The following CAND2 variants were observed in gnomAD, a reference collection of about 807,000 sequenced individuals.
The protein encoded by CAND2 is cullin-associated NEDD8-dissociated protein 2.
In CAND2, 62 loss-of-function variants were observed where a neutral mutation model predicts 98.9. That is an observed-to-expected ratio of 0.63 (90% CI 0.51 to 0.77). The LOEUF (loss-of-function observed/expected upper bound fraction) is 0.77, where lower values mean the gene tolerates loss of function less well. Ranked by LOEUF, CAND2 falls within the 30% of genes least tolerant of loss-of-function variation. The pLI, the probability that CAND2 is intolerant of heterozygous loss-of-function variation, is 0.00. For missense variants in CAND2, 1,501 were observed against 1,655.2 expected, an observed-to-expected ratio of 0.91 and a Z score of 1.62; for synonymous variants, 770 against 731.9, an observed-to-expected ratio of 1.05 and a Z score of -0.84.
At chr3:12,819,413 C>T (rs749347503) in intron 10 of CAND2, among the ~76,000 whole-genome samples, 9 of 152,222 alleles carry the variant, frequency 5.9e-5, no homozygotes, top group Admixed American at 1.3e-4. Context: ...GAGATTCAGA[C>T]GCAGGTGGAG....
At chr3:12,823,100 A>C (rs866313310) in intron 11 of CAND2, among the ~76,000 whole-genome samples, 3 of 152,192 alleles carry the variant, frequency 2.0e-5, no homozygotes, top group Non-Finnish European at 4.4e-5. Flanking sequence ...TTATTTTCTT[A>C]ATCCTGAAAT....
chr3:12,810,071 G>A lies in CAND2; in HGVS notation c.504G>A (p.Pro168=), dbSNP rs1240440777. ...TCGTGCTCCCCAGGCTGGGTGTCCC[G>A]CTGGGCGCCTTCCACGCCAGCCTCC... ...LSDMLSRLGV[P]LGAFHASLLH... is the part of the protein sequence containing the mutation. The change falls in exon 5 of 15, where the codon CCG becomes CCA. Residue 168 remains proline, a synonymous_variant. Coordinates refer to ENST00000456430, the MANE Select transcript of CAND2 (RefSeq NM_001162499.2). 2 of 1,427,788 alleles carry A rather than the reference G, an allele frequency of 1.4e-6. No individual in the cohort carries two copies. Among genetic ancestry groups the A allele is most frequent in the Non-Finnish European group, 1.8e-6 (2 of 1,091,232 alleles). 88.4% of individuals were successfully genotyped at this position (1,427,788 alleles called of 1,614,324 possible). A position where few individuals can be genotyped will look rare whatever the true frequency, so the allele number is the denominator to read the frequency against.
intron 1 of CAND2, among the ~76,000 whole-genome samples, chr3:12,802,988 C>CTTTTTTT (rs34041335): frequency 7.8e-6 from 1 of 127,408 alleles, no homozygotes; most frequent in Non-Finnish European, 1.6e-5. Flanking sequence ...CCATTAAAAT[C>CTTTTTTT]TTTTTTTTTT....
chr3:12,804,820 G>T (rs895148689), intron 2 of CAND2, among the ~76,000 whole-genome samples: 3 of 152,106 alleles, frequency 2.0e-5, no homozygotes, highest in Admixed American at 2.0e-4. Context: ...CATTCTTCTG[G>T]GGCATGTTAA....
chr3:12,806,430 A>G (rs572474053), intron 2 of CAND2, among the ~76,000 whole-genome samples: 4 of 152,342 alleles, frequency 2.6e-5, no homozygotes, highest in African/African-American at 7.2e-5. Flanking sequence ...GAGCTGGGGC[A>G]GAGGATGAGA....
chr3:12,812,420 C>T (rs1173118963), intron 5 of CAND2, among the ~76,000 whole-genome samples: 3 of 84,612 alleles, frequency 3.5e-5, no homozygotes, highest in African/African-American at 9.8e-5. Flanking sequence ...TTTTTTGAGA[C>T]GGAGTCTCGC....
chr3:12,819,548 C>G (rs2061938582), intron 10 of CAND2, among the ~76,000 whole-genome samples: 1 of 152,172 alleles, frequency 6.6e-6, no homozygotes, highest in Admixed American at 6.5e-5. Context: ...TGGAGGTGAT[C>G]CGAGTTCTGT....
At chr3:12,831,067 T>A (rs371433898) in intron 13 of CAND2, among the ~76,000 whole-genome samples, 1 of 102,898 alleles carries the variant, frequency 9.7e-6, no homozygotes, top group Non-Finnish European at 1.9e-5. Context: ...AAATCGAGAC[T>A]TTTTTTTTAC....
intron 1 of CAND2, among the ~76,000 whole-genome samples, chr3:12,799,419 T>G (rs185886821): frequency 2.0e-5 from 3 of 152,252 alleles, no homozygotes; most frequent in Admixed American, 2.0e-4. Context: ...TCCACCAAAT[T>G]ATATACTTTT....
intron 11 of CAND2, among the ~76,000 whole-genome samples, chr3:12,823,691 C>CT (rs962930974): frequency 1.5e-4 from 23 of 152,004 alleles, no homozygotes; most frequent in African/African-American, 5.1e-4. Flanking sequence ...GATTGCGCCA[C>CT]TGCACTCCAG....
chr3:12,817,848 G>A lies in CAND2; in HGVS notation c.2916G>A (p.Leu972=). Residue 972 remains leucine, a synonymous_variant, in exon 10 of 15, where the codon CTG becomes CTA. Transcript: ENST00000456430. ...KLVLVNPSFL[L]PRLRKQLAAG... ...TCCTTGTGAACCCTTCGTTCCTTCTGCCCCGCTTGCGGAAGCAGCTTGCTG... is the reference window on the plus strand; with the variant it reads ...TCCTTGTGAACCCTTCGTTCCTTCTACCCCGCTTGCGGAAGCAGCTTGCTG... 19 of 1,507,432 alleles carry A rather than the reference G, an allele frequency of 1.3e-5. No homozygotes were observed. Among genetic ancestry groups the A allele is most frequent in the Non-Finnish European group, 1.6e-5 (18 of 1,127,518 alleles). 93.4% of individuals were successfully genotyped at this position (1,507,432 alleles called of 1,614,324 possible).
Position 12,833,828 on chromosome 3 carries a change from C to T in CAND2, c.3557C>T (p.Ala1186Val), listed in dbSNP as rs1315674942. Residue 1186 changes from alanine (A) to valine (V), a missense_variant, in exon 15 of 15, where the codon GCT becomes GTT. Physicochemically the swap from Ala to Val is moderately conservative, Grantham distance 64 (BLOSUM62 0). This residue lies in a region of CAND2 where 1,427 missense variants were observed against 1,545.3 expected (regional missense o/e 0.92). Coordinates refer to ENST00000456430, the MANE Select transcript of CAND2 (RefSeq NM_001162499.2). Reference sequence around the variant, plus strand: ...AAGCGCTCTGCAATGAGGGCAGTGGCTGCCCTGCTGACCATCCCCGAGGTG... The same window carrying T: ...AAGCGCTCTGCAATGAGGGCAGTGGTTGCCCTGCTGACCATCCCCGAGGTG... ...ELKRSAMRAV[A>V]ALLTIPEVGK... The T allele has an allele frequency of 1.2e-6, 2 of 1,614,074 alleles. No individual in the cohort carries two copies. The highest frequency in any genetic ancestry group is 1.3e-5 in the African/African-American group (1 of 74,922).
At chr3:12,823,115 AG>A (rs2061970135) in intron 11 of CAND2, among the ~76,000 whole-genome samples, 1 of 152,236 alleles carries the variant, frequency 6.6e-6, no homozygotes, top group South Asian at 2.1e-4. Flanking sequence ...TGAAATACAC[AG>A]AAAGTAGTCT....
intron 11 of CAND2, 150 bp from the exon 12 acceptor site, chr3:12,825,320 G>A: frequency 1.4e-6 from 1 of 693,960 alleles, no homozygotes; most frequent in East Asian, 2.7e-5. Flanking sequence ...GGTTGTTTGT[G>A]CCTGGCACAA....
At chr3:12,819,284 C>T (rs1345265065) in intron 10 of CAND2, among the ~76,000 whole-genome samples, 3 of 152,324 alleles carry the variant, frequency 2.0e-5, no homozygotes, top group East Asian at 3.9e-4. Context: ...TGCCTTAGCA[C>T]CAAATGGTAA....
At chr3:12,830,036 A>G (rs2062040238) in intron 13 of CAND2, among the ~76,000 whole-genome samples, 1 of 152,140 alleles carries the variant, frequency 6.6e-6, no homozygotes, top group Admixed American at 6.5e-5. Flanking sequence ...TGTTCCTGCT[A>G]AAGCATCCGA....
intron 2 of CAND2, among the ~76,000 whole-genome samples, chr3:12,805,388 A>G (rs2061799280): frequency 6.6e-6 from 1 of 151,846 alleles, no homozygotes; most frequent in Admixed American, 6.6e-5. Context: ...CCCAGGTTCA[A>G]GCGATTCCCA....
Position 12,816,696 on chromosome 3 carries a change from G to A in CAND2, c.1764G>A (p.Lys588=). ...CCACTGACCTGGACCAGGAGGTGAAGGAGCGGGCCATTTCCTGCATGGGCC... is the reference window on the plus strand; with the variant it reads ...CCACTGACCTGGACCAGGAGGTGAAAGAGCGGGCCATTTCCTGCATGGGCC... ...LRATDLDQEV[K]ERAISCMGHL... The change falls in exon 10 of 15, where the codon AAG becomes AAA. Residue 588 remains lysine (K), a synonymous_variant. Transcript: ENST00000456430. 6.2e-7 allele frequency: 1 copy of A among 1,613,742 alleles called. No homozygotes were observed. The highest frequency in any genetic ancestry group is 8.5e-7 in the Non-Finnish European group (1 of 1,180,040).
At chr3:12,828,767 AAC>A (rs1360808052) in intron 13 of CAND2, among the ~76,000 whole-genome samples, 5 of 152,184 alleles carry the variant, frequency 3.3e-5, no homozygotes. Flanking sequence ...GCACCCATTC[AAC>A]ACTCTATGAA....
Sources: allele counts gnomAD v4.1 joint callset (sites outside exome capture counted in the v4.1 genomes callset), GRCh38; gene constraint gnomAD v4.1.1; regional missense constraint gnomAD v4.1.1; transcripts MANE v1.5; gene names NCBI Gene and HGNC (gene_info 2026-07-23, HGNC 2026-07-21).